RGS17: variants seen among roughly 807,000 people sequenced by gnomAD.
RGS17 encodes the protein regulator of G-protein signaling 17.
In RGS17, 12 loss-of-function variants were observed where a neutral mutation model predicts 25.5. That is an observed-to-expected ratio of 0.47 (90% confidence interval 0.30 to 0.76). The LOEUF is 0.76. Ranked by LOEUF, RGS17 falls within the 30% of genes least tolerant of loss-of-function variation. The pLI is 0.07. For synonymous variants in RGS17, 71 were observed against 76.9 expected, an observed-to-expected ratio of 0.92 and a Z score of 0.40; for missense variants, 196 against 242.2, an observed-to-expected ratio of 0.81 and a Z score of 1.27.
intron 2 of RGS17, among the ~76,000 whole-genome samples, chr6:153,040,792 T>A (rs1237159463): frequency 1.3e-5 from 2 of 152,032 alleles, no homozygotes; most frequent in African/African-American, 4.8e-5. Context: ...GACATTTTCA[T>A]TTGCAATAAG....
At chr6:153,052,261 C>G (rs1776471614) in intron 1 of RGS17, among the ~76,000 whole-genome samples, 1 of 30,638 alleles carries the variant, frequency 3.3e-5, no homozygotes, top group African/African-American at 4.6e-4. Context: ...AAAATGGGAC[C>G]TCTGCCCCCA....
At position 153,005,310 on chromosome 6, in the gene RGS17, C is replaced by G. The variant is rs924343223; in HGVS notation, c.*6264G>C. 3.3e-5 allele frequency: 5 copies of G among 152,116 alleles called. No homozygotes were observed. The highest frequency in any genetic ancestry group is 3.3e-4 in the Admixed American group (5 of 15,262). The allele number at this position is 152,116 out of a possible 1,614,324, so 9.4% of individuals were successfully genotyped here. On this transcript the variant is annotated 3_prime_UTR_variant, in exon 5 of 5. Transcript: ENST00000206262. ...TAGGTGAATATTCAGGCTAAGACTTCTGGAGTTTTATTTTTCCACTTCACT... is the reference window on the plus strand; with the variant it reads ...TAGGTGAATATTCAGGCTAAGACTTGTGGAGTTTTATTTTTCCACTTCACT...
intron 1 of RGS17, among the ~76,000 whole-genome samples, chr6:153,129,742 A>G (rs1216896694): frequency 2.6e-5 from 4 of 152,270 alleles, no homozygotes; most frequent in Non-Finnish European, 5.9e-5. Flanking sequence ...AAAGAAAGAA[A>G]TAACTCTGAA....
intron 1 of RGS17, among the ~76,000 whole-genome samples, chr6:153,063,204 G>GA (rs1274577628): frequency 6.6e-6 from 1 of 151,810 alleles, no homozygotes; most frequent in Non-Finnish European, 1.5e-5. Context: ...ATAGTTGTAG[G>GA]AAAAAAAGGA....
chr6:153,042,952 G>A (rs370788880), intron 2 of RGS17, among the ~76,000 whole-genome samples: 7 of 152,208 alleles, frequency 4.6e-5, no homozygotes, highest in African/African-American at 1.4e-4. Flanking sequence ...AGACCCAGAA[G>A]ACCACTGCTG....
chr6:153,034,372 C>T (rs1010584491), intron 2 of RGS17, among the ~76,000 whole-genome samples: 2 of 152,102 alleles, frequency 1.3e-5, no homozygotes, highest in African/African-American at 2.4e-5. Context: ...CTGGGAAGCG[C>T]GAAGTGATAC....
intron 2 of RGS17, among the ~76,000 whole-genome samples, chr6:153,031,240 A>G (rs977623242): frequency 1.3e-5 from 2 of 152,172 alleles, no homozygotes; most frequent in Non-Finnish European, 2.9e-5. Flanking sequence ...ACCATTCATA[A>G]TGGGGATAAT....
At chr6:153,102,440 T>C (rs1418998096) in intron 1 of RGS17, among the ~76,000 whole-genome samples, 1 of 152,202 alleles carries the variant, frequency 6.6e-6, no homozygotes, top group Non-Finnish European at 1.5e-5. Context: ...ACTCTATATA[T>C]TGATACATAT....
chr6:153,069,748 G>GTGTGTGTGTGTGTT lies in RGS17; in HGVS notation c.-25-25706_-25-25705insAACACACACACACA, dbSNP rs1554239850. ...ATACATATATACACCTCGTGTGTGT[G>GTGTGTGTGTGTGTT]TGTGTGTGTGTGTGTGTGTGTGTAT... On this transcript the variant is annotated intron_variant, in intron 1 of 4. Transcript: ENST00000206262. Among the ~76,000 whole-genome samples the GTGTGTGTGTGTGTT allele has an allele frequency of 2.0e-3, 300 of 151,216 alleles. 1 individual carries two copies. The highest frequency in any genetic ancestry group is 2.1e-3 in the Non-Finnish European group (143 of 67,744).
chr6:153,084,449 C>G (rs1158327804), intron 1 of RGS17, among the ~76,000 whole-genome samples: 4 of 152,040 alleles, frequency 2.6e-5, no homozygotes, highest in African/African-American at 9.7e-5. Flanking sequence ...GGGCTGTTAA[C>G]AGAGACATAG....
chr6:153,094,077 C>T (rs1777171350), intron 1 of RGS17, among the ~76,000 whole-genome samples: 1 of 141,396 alleles, frequency 7.1e-6, no homozygotes, highest in Non-Finnish European at 1.5e-5. Flanking sequence ...CACATCTATA[C>T]TGAACTTTTT....
At chr6:153,057,523 G>C (rs954357864) in intron 1 of RGS17, among the ~76,000 whole-genome samples, 2 of 152,076 alleles carry the variant, frequency 1.3e-5, no homozygotes, top group African/African-American at 4.8e-5. Flanking sequence ...ATGACCTTTG[G>C]TTAGTTACTC....
chr6:153,008,139 G>C lies in RGS17; in HGVS notation c.*3435C>G, dbSNP rs764992979. 1 of 151,900 alleles carries C rather than the reference G, an allele frequency of 6.6e-6. No individual in the cohort carries two copies. The allele number at this position is 151,900 out of a possible 1,614,324, so 9.4% of individuals were successfully genotyped here. A position where few individuals can be genotyped will look rare whatever the true frequency, so the allele number is the denominator to read the frequency against. ...CTTAATGGGATGAAAATGTATTTTT[G>C]CTCCTAATAAATAAATATTATTCAC... On this transcript the variant is annotated 3_prime_UTR_variant, in exon 5 of 5. Transcript: ENST00000206262.
chr6:153,036,406 T>G (rs1776240109), intron 2 of RGS17, among the ~76,000 whole-genome samples: 1 of 152,138 alleles, frequency 6.6e-6, no homozygotes. Context: ...CCACTGTGTT[T>G]GCAACTCTCT....
intron 2 of RGS17, among the ~76,000 whole-genome samples, chr6:153,034,747 G>GTGTAAT (rs1776217426): frequency 6.6e-6 from 1 of 152,178 alleles, no homozygotes; most frequent in Non-Finnish European, 1.5e-5. Flanking sequence ...TAGAATTTGC[G>GTGTAAT]TGTAATTGTC....
At chr6:153,093,424 T>C (rs942995402) in intron 1 of RGS17, among the ~76,000 whole-genome samples, 4 of 152,236 alleles carry the variant, frequency 2.6e-5, no homozygotes, top group African/African-American at 9.6e-5. Context: ...TTTGCGACTA[T>C]AGTCTTGGTT....
At chr6:153,097,054 T>C (rs1271329469) in intron 1 of RGS17, among the ~76,000 whole-genome samples, 1 of 152,180 alleles carries the variant, frequency 6.6e-6, no homozygotes, top group African/African-American at 2.4e-5. Context: ...AACAGGCACT[T>C]TGATTTATTT....
chr6:153,107,791 C>T (rs1004646020), intron 1 of RGS17, among the ~76,000 whole-genome samples: 12 of 152,222 alleles, frequency 7.9e-5, no homozygotes, highest in African/African-American at 2.9e-4. Flanking sequence ...CCAACAGGTG[C>T]ATTAGCTATC....
intron 1 of RGS17, among the ~76,000 whole-genome samples, chr6:153,129,724 A>G (rs1777758312): frequency 6.6e-6 from 1 of 152,236 alleles, no homozygotes; most frequent in Non-Finnish European, 1.5e-5. Flanking sequence ...CCGTAAAACA[A>G]TTTAAGAAAA....
Sources: allele counts gnomAD v4.1 joint callset (sites outside exome capture counted in the v4.1 genomes callset), GRCh38; gene constraint gnomAD v4.1.1; transcripts MANE v1.5; gene names NCBI Gene and HGNC (gene_info 2026-07-23, HGNC 2026-07-21).